RHPN2: variants seen among roughly 807,000 people sequenced by gnomAD.
RHPN2 encodes rhophilin Rho GTPase binding protein 2, also known as rhophilin-2.
RHPN2 carries 40 observed loss-of-function variants against 79.0 expected under a neutral mutation model. The observed-to-expected ratio is 0.51, with a 90% CI of 0.39 to 0.66. The LOEUF (loss-of-function observed/expected upper bound fraction) is 0.66, where lower values mean the gene tolerates loss of function less well. Among genes scored for constraint, RHPN2 ranks in the 30% least tolerant of loss-of-function variants. The pLI is 0.00. For missense variants in RHPN2, 686 were observed against 883.5 expected (o/e 0.78, Z 2.83); for synonymous variants, 285 against 363.5 (o/e 0.78, Z 2.46).
chr19:33,015,596 C>T (rs529451648), intron 4 of RHPN2, among the ~76,000 whole-genome samples: 43 of 152,078 alleles, frequency 2.8e-4, no homozygotes, highest in African/African-American at 9.9e-4. Context: ...TTTTTTGCAA[C>T]GTAACAGCAT....
At chr19:33,006,253 GT>G (rs1971790282) in intron 7 of RHPN2, among the ~76,000 whole-genome samples, 1 of 152,040 alleles carries the variant, frequency 6.6e-6, no homozygotes, top group Non-Finnish European at 1.5e-5. Context: ...CTAGAGTACA[GT>G]GGTGCAATCA....
At chr19:33,038,219 C>T (rs540050327) in intron 2 of RHPN2, among the ~76,000 whole-genome samples, 10 of 151,058 alleles carry the variant, frequency 6.6e-5, no homozygotes, top group African/African-American at 9.7e-5. Flanking sequence ...CATGGGGGTG[C>T]GTGCCTGTAA....
rs1314180977 is a variant in RHPN2, at chr19:33,064,888, T to C, written c.-36A>G. ...CGGGCGCGGAGGGCGGACGGCGGAC[T>C]GAGGCGCGGCGGCTGAGGCTGGCCC... On this transcript the variant is annotated 5_prime_UTR_variant, in exon 1 of 15. Transcript: ENST00000254260. The C allele has an allele frequency of 7.4e-6, 11 of 1,483,384 alleles. No homozygotes were observed. In the Admixed American group the frequency reaches 1.8e-4, roughly 24 times the overall value. 91.9% of individuals were successfully genotyped at this position (1,483,384 alleles called of 1,614,324 possible).
intron 1 of RHPN2, among the ~76,000 whole-genome samples, chr19:33,050,833 C>T (rs1300228621): frequency 6.6e-6 from 1 of 152,058 alleles, no homozygotes; most frequent in African/African-American, 2.4e-5. Flanking sequence ...CACCCGCCAC[C>T]ACACCCGGCT....
At chr19:33,050,404 A>G (rs1972177246) in intron 1 of RHPN2, among the ~76,000 whole-genome samples, 1 of 152,222 alleles carries the variant, frequency 6.6e-6, no homozygotes, top group East Asian at 1.9e-4. Context: ...TACAATTTAT[A>G]TATAATAAAA....
chr19:32,990,380 G>A (rs1971648085), intron 14 of RHPN2, 134 bp downstream of exon 14: 7 of 937,676 alleles, frequency 7.5e-6, no homozygotes, highest in African/African-American at 1.6e-5. Flanking sequence ...GTGATTACAA[G>A]CCTGGGAGTC....
At chr19:33,017,891 C>G (rs756965512) in intron 4 of RHPN2, among the ~76,000 whole-genome samples, 1 of 151,766 alleles carries the variant, frequency 6.6e-6, no homozygotes, top group Non-Finnish European at 1.5e-5. Flanking sequence ...CACGGTGGCT[C>G]ATGCCTCTAA....
chr19:33,002,437 C>T (rs745759456), intron 8 of RHPN2, 34 bp from the exon 9 acceptor site: 15 of 1,613,116 alleles, frequency 9.3e-6, no homozygotes, highest in African/African-American at 8.0e-5. Context: ...AGGGGCAGCC[C>T]GGCACAAGGG....
chr19:33,056,649 T>C (rs1040060317), intron 1 of RHPN2, among the ~76,000 whole-genome samples: 2 of 152,208 alleles, frequency 1.3e-5, no homozygotes, highest in African/African-American at 4.8e-5. Context: ...ATTATAGTAA[T>C]ATAAGTTGAG....
chr19:33,040,922 A>C (rs1180637389), intron 2 of RHPN2, among the ~76,000 whole-genome samples: 2 of 152,034 alleles, frequency 1.3e-5, no homozygotes, highest in Non-Finnish European at 2.9e-5. Flanking sequence ...TCGACACTGC[A>C]CTCCATCCTG....
chr19:33,042,056 G>A (rs1339129716), intron 2 of RHPN2, among the ~76,000 whole-genome samples: 1 of 152,098 alleles, frequency 6.6e-6, no homozygotes, highest in Non-Finnish European at 1.5e-5. Flanking sequence ...AGGTGTGCTG[G>A]CACGTGCCTG....
chr19:32,992,222 G>A (rs1242174758), intron 12 of RHPN2: 12 of 455,022 alleles, frequency 2.6e-5, no homozygotes, highest in Non-Finnish European at 2.8e-5. Flanking sequence ...CTTTTTTTTT[G>A]AGACATTGTC....
intron 3 of RHPN2, among the ~76,000 whole-genome samples, chr19:33,022,724 C>G (rs1971934890): frequency 6.6e-6 from 1 of 152,160 alleles, no homozygotes; most frequent in Non-Finnish European, 1.5e-5. Flanking sequence ...TGACCTGTAA[C>G]AGGAGACCTC....
intron 1 of RHPN2, among the ~76,000 whole-genome samples, chr19:33,056,475 AG>A (rs1202201586): frequency 1.3e-5 from 2 of 152,070 alleles, no homozygotes; most frequent in East Asian, 3.9e-4. Context: ...TGTGGGGTAC[AG>A]GGGCAGTTGC....
At chr19:33,031,436 T>C (rs1972010988) in intron 2 of RHPN2, among the ~76,000 whole-genome samples, 2 of 151,884 alleles carry the variant, frequency 1.3e-5, no homozygotes, top group African/African-American at 2.4e-5. Context: ...ATTTTTGTAT[T>C]TTTTCACCAT....
At chr19:33,039,034 T>C (rs1972080020) in intron 2 of RHPN2, among the ~76,000 whole-genome samples, 1 of 152,144 alleles carries the variant, frequency 6.6e-6, no homozygotes, top group East Asian at 1.9e-4. Context: ...ATTATTTTTC[T>C]CCCAAGTCTT....
chr19:33,048,207 C>G (rs1397492321), intron 1 of RHPN2, among the ~76,000 whole-genome samples: 1 of 151,702 alleles, frequency 6.6e-6, no homozygotes, highest in Admixed American at 6.6e-5. Context: ...AGGCACCCAC[C>G]ACCACACCCA....
rs2087607873 is a variant in RHPN2, at chr19:33,025,222, C to T, written c.314+1282G>A. On this transcript the variant is annotated intron_variant, in intron 3 of 14. Coordinates refer to ENST00000254260, the MANE Select transcript of RHPN2 (RefSeq NM_033103.5). ...GCACAGTGGCTCACATCTGTAATCC[C>T]AGCACTTTGGGAGGCCAAGGCGGGC... Among the ~76,000 whole-genome samples the T allele has an allele frequency of 2.0e-5, 3 of 151,106 alleles. No individual in the cohort carries two copies. The Admixed American group carries it at 2.0e-4, about 10-fold the overall frequency.
At chr19:33,040,297 C>T (rs1390873321) in intron 2 of RHPN2, among the ~76,000 whole-genome samples, 3 of 138,288 alleles carry the variant, frequency 2.2e-5, no homozygotes, top group Admixed American at 7.9e-5. Flanking sequence ...AGTGCAGTAG[C>T]GCGATCTCAG....
Sources: gnomAD v4.1 joint callset for allele counts (sites outside exome capture counted in the v4.1 genomes callset) on GRCh38, gnomAD v4.1.1 for gene constraint, MANE v1.5 for transcripts, NCBI Gene and HGNC (gene_info 2026-07-23, HGNC 2026-07-21) for gene names.